MOSPD2: variants seen among roughly 807,000 people sequenced by gnomAD.
MOSPD2 encodes motile sperm domain containing 2, also known as motile sperm domain-containing protein 2.
In MOSPD2, 5 loss-of-function variants were observed where a neutral mutation model predicts 41.7. The ratio of observed to expected loss-of-function variants is 0.12; its 90% CI spans 0.06 to 0.25. The LOEUF (loss-of-function observed/expected upper bound fraction) is 0.25. Among genes scored for constraint, MOSPD2 ranks in the 10% least tolerant of loss-of-function variants. The pLI is 1.00. For missense variants in MOSPD2, 282 were observed against 375.2 expected (o/e 0.75, Z 2.05); for synonymous variants, 115 against 126.9 (o/e 0.91, Z 0.63).
At chrX:14,905,340 C>T (rs774158914) in intron 7 of MOSPD2, among the ~76,000 whole-genome samples, 19 of 111,532 alleles carry the variant, frequency 1.7e-4, no homozygotes, top group Non-Finnish European at 3.2e-4. Context: ...GATTGGAAGA[C>T]TTAATACAGT....
chrX:14,881,067 T>C (rs2147478780), intron 2 of MOSPD2, among the ~76,000 whole-genome samples: 1 of 111,004 alleles, frequency 9.0e-6, no homozygotes, highest in East Asian at 2.8e-4. Context: ...TCAGTGTTTG[T>C]TTATCTACCA....
rs747722461 is a variant in MOSPD2 at position 14,918,677 on chromosome X, T to C, written c.1317-3T>C. 1 of 1,124,826 alleles carries C rather than the reference T, an allele frequency of 8.9e-7. No homozygotes were observed. Among genetic ancestry groups the C allele is most frequent in the Non-Finnish European group, 1.2e-6 (1 of 834,681 alleles). The allele number at this position is 1,124,826 out of a possible 1,213,427, so 92.7% of individuals were successfully genotyped here. A position where few individuals can be genotyped will look rare whatever the true frequency, so the allele number is the denominator to read the frequency against. On this transcript the variant is annotated splice_region_variant and splice_polypyrimidine_tract_variant and intron_variant, in intron 13 of 14. Transcript: ENST00000380492. The stretch of plus-strand genomic sequence containing the variant: ...AAGTTATGTTTTCTTTGGATTTTAA[T>C]AGGTTAAGATGCCATACTGTTGAAA...
chrX:14,910,919 G>C (rs2092590424), intron 8 of MOSPD2, among the ~76,000 whole-genome samples: 1 of 90,335 alleles, frequency 1.1e-5, no homozygotes, highest in African/African-American at 4.4e-5. Flanking sequence ...AACTTATATA[G>C]TTCTTTAAAA....
intron 2 of MOSPD2, among the ~76,000 whole-genome samples, chrX:14,883,638 A>G (rs1181504859): frequency 8.9e-6 from 1 of 112,278 alleles, no homozygotes; most frequent in East Asian, 2.8e-4. Flanking sequence ...TTATACTGCT[A>G]TATATTCACA....
At chrX:14,880,642 T>C (rs756532129) in intron 2 of MOSPD2, among the ~76,000 whole-genome samples, 2 of 111,890 alleles carry the variant, frequency 1.8e-5, no homozygotes, top group Admixed American at 1.9e-4. Flanking sequence ...CTTCCACTTT[T>C]GGTTTGCTAG....
intron 7 of MOSPD2, among the ~76,000 whole-genome samples, chrX:14,904,631 A>G (rs1300829739): frequency 8.9e-6 from 1 of 111,735 alleles, no homozygotes; most frequent in East Asian, 2.8e-4. Context: ...ATTATGGTTT[A>G]TTACAGGGAA....
Position 14,910,622 on chromosome X carries a change from A to C in MOSPD2, c.703-615A>C, listed in dbSNP as rs140178568. Reference sequence around the variant, plus strand: ...ATGCATACAGAATAAACTCCTAGAAAAAAATCTGTGAGTATAGTTTTTAAT... The same window carrying C: ...ATGCATACAGAATAAACTCCTAGAACAAAATCTGTGAGTATAGTTTTTAAT... On this transcript the variant is annotated intron_variant, in intron 8 of 14. Transcript: ENST00000380492. Among the ~76,000 whole-genome samples, 109 of 111,717 alleles carry C rather than the reference A, an allele frequency of 9.8e-4. 3 individuals carry two copies. In the East Asian group the frequency reaches 0.029, roughly 30 times the overall value.
rs1348162681 is a variant in MOSPD2, at chrX:14,920,278, A to T, written c.*469A>T. 1.3e-6 allele frequency: 1 copy of T among 746,442 alleles called. No homozygotes were observed. Among genetic ancestry groups the T allele is most frequent in the African/African-American group, 2.3e-5 (1 of 43,091 alleles). The allele number at this position is 746,442 out of a possible 1,213,427, so 61.5% of individuals were successfully genotyped here. A position where few individuals can be genotyped will look rare whatever the true frequency, so the allele number is the denominator to read the frequency against. ...TATAGAAGAACATGTATATTGAGAAAGAAAACATACTTATATAGAGGAATT... is the reference window on the plus strand; with the variant it reads ...TATAGAAGAACATGTATATTGAGAATGAAAACATACTTATATAGAGGAATT... On this transcript the variant is annotated 3_prime_UTR_variant, in exon 15 of 15. Coordinates refer to ENST00000380492, the MANE Select transcript of MOSPD2 (RefSeq NM_152581.4).
chrX:14,908,951 T>G lies in MOSPD2; in HGVS notation c.669T>G (p.Ser223Arg), dbSNP rs752489544. The G allele has an allele frequency of 1.7e-6, 2 of 1,176,246 alleles. No homozygotes were observed. Among genetic ancestry groups the G allele is most frequent in the Non-Finnish European group, 2.3e-6 (2 of 871,616 alleles). ...AAAATGAAGTCCAGGACTATGTCAG[T>G]GTAGAATACCTGCCTCCCCACATGG... ...TSKNEVQDYV[S>R]VEYLPPHMGG... The change falls in exon 8 of 15, where the codon AGT (serine) becomes AGG (arginine). Residue 223 changes from serine (S) to arginine (R), a missense_variant. Around this residue, in one of 3 missense-constraint regions of MOSPD2, gnomAD observed 187 missense variants for 256.6 expected, o/e 0.73. Transcript: ENST00000380492.
At chrX:14,914,406 C>T in intron 10 of MOSPD2, 97 bp from the exon 11 acceptor site, 3 of 504,585 alleles carry the variant, frequency 5.9e-6, no homozygotes, top group South Asian at 6.5e-5. Flanking sequence ...TACAAATGAG[C>T]ATAAGATATT....
intron 13 of MOSPD2, among the ~76,000 whole-genome samples, chrX:14,918,069 T>C (rs755461150): frequency 8.9e-6 from 1 of 112,016 alleles, no homozygotes; most frequent in East Asian, 2.8e-4. Flanking sequence ...TCTGTTTTTA[T>C]CAAGAGTTTT....
At chrX:14,894,788 T>G (rs1319273713) in intron 3 of MOSPD2, among the ~76,000 whole-genome samples, 2 of 111,189 alleles carry the variant, frequency 1.8e-5, no homozygotes, top group African/African-American at 6.6e-5. Context: ...TCCTAAAGGT[T>G]TTTAAATGCA....
At chrX:14,876,529 T>G (rs181787405) in intron 2 of MOSPD2, among the ~76,000 whole-genome samples, 270 of 111,820 alleles carry the variant, frequency 2.4e-3, no homozygotes, top group Middle Eastern at 0.019. Flanking sequence ...GAATGAAGTA[T>G]TAGCCCCTAA....
At chrX:14,912,817 G>T (rs1490427371) in intron 10 of MOSPD2, among the ~76,000 whole-genome samples, 1 of 111,977 alleles carries the variant, frequency 8.9e-6, no homozygotes, top group Non-Finnish European at 1.9e-5. Context: ...TGATTCAAAA[G>T]ATTCCAGGTT....
chrX:14,899,289 A>G (rs754654358), intron 5 of MOSPD2, among the ~76,000 whole-genome samples: 3 of 108,392 alleles, frequency 2.8e-5, no homozygotes, highest in South Asian at 7.9e-4. Context: ...ATTAGCAGTA[A>G]CTCACGATTT....
intron 11 of MOSPD2, 31 bp from the exon 12 acceptor site, chrX:14,915,637 G>A: frequency 9.0e-7 from 1 of 1,108,464 alleles, no homozygotes; most frequent in Non-Finnish European, 1.2e-6. Flanking sequence ...AAGCATAAAG[G>A]TTGTTATGTG....
intron 2 of MOSPD2, among the ~76,000 whole-genome samples, chrX:14,889,958 T>C (rs2092550657): frequency 8.9e-6 from 1 of 112,125 alleles, no homozygotes; most frequent in African/African-American, 3.2e-5. Flanking sequence ...TGCCATATAT[T>C]GTTCTAAGTA....
chrX:14,909,599 A>C (rs1480003700), intron 8 of MOSPD2, among the ~76,000 whole-genome samples: 1 of 111,844 alleles, frequency 8.9e-6, no homozygotes, highest in Non-Finnish European at 1.9e-5. Context: ...AGCATATACT[A>C]TCCAGATTTT....
intron 7 of MOSPD2, 34 bp downstream of exon 7, chrX:14,903,038 T>A: frequency 3.2e-6 from 3 of 949,854 alleles, no homozygotes; most frequent in Non-Finnish European, 4.5e-6. Context: ...AAACAAAATG[T>A]CTAATTTCCT....
Sources: gnomAD v4.1 joint callset for allele counts (sites outside exome capture counted in the v4.1 genomes callset) on GRCh38, gnomAD v4.1.1 for gene constraint, gnomAD v4.1.1 regional missense constraint, MANE v1.5 for transcripts, NCBI Gene and HGNC (gene_info 2026-07-23, HGNC 2026-07-21) for gene names.